NAALADL2: variants seen among roughly 807,000 people sequenced by gnomAD.
NAALADL2 encodes the protein N-acetylated alpha-linked acidic dipeptidase like 2.
NAALADL2 carries 76 observed loss-of-function variants against 87.2 expected under a neutral mutation model. That is an observed-to-expected ratio of 0.87 (90% CI 0.72 to 1.05). NAALADL2 has a LOEUF of 1.05. Among genes scored for constraint, NAALADL2 ranks in the 50% least tolerant of loss-of-function variants. The pLI is 0.00. For missense variants in NAALADL2, 1,089 were observed against 945.8 expected (o/e 1.15, Z -1.99); for synonymous variants, 354 against 331.0 (o/e 1.07, Z -0.75).
At chr3:175,109,290 A>G (rs1723778328) in intron 2 of NAALADL2, among the ~76,000 whole-genome samples, 2 of 151,848 alleles carry the variant, frequency 1.3e-5, no homozygotes, top group African/African-American at 4.8e-5. Context: ...CTGATAGCCT[A>G]TCATCGCAAG....
At chr3:175,323,861 C>CA (rs11338011) in intron 4 of NAALADL2, among the ~76,000 whole-genome samples, 3 of 149,792 alleles carry the variant, frequency 2.0e-5, no homozygotes, top group Non-Finnish European at 4.4e-5. Flanking sequence ...ACTAAAAATA[C>CA]AAAAAAATTA....
chr3:174,995,074 C>T (rs1747252760), intron 1 of NAALADL2, among the ~76,000 whole-genome samples: 1 of 151,136 alleles, frequency 6.6e-6, no homozygotes, highest in African/African-American at 2.4e-5. Flanking sequence ...TTTATTCTGG[C>T]CATTTAGAGA....
intron 11 of NAALADL2, among the ~76,000 whole-genome samples, chr3:175,662,197 G>C (rs1032061404): frequency 6.6e-6 from 1 of 151,568 alleles, no homozygotes; most frequent in African/African-American, 2.4e-5. Flanking sequence ...TCCTTGCAGC[G>C]ATCTTTTATT....
intron 1 of NAALADL2, among the ~76,000 whole-genome samples, chr3:175,001,151 G>C (rs564259940): frequency 4.6e-5 from 7 of 152,180 alleles, no homozygotes; most frequent in Non-Finnish European, 4.4e-5. Flanking sequence ...GTAGCCCCCA[G>C]TTCCTTGATT....
At chr3:174,476,581 A>T (rs1289029163) in intron 1 of NAALADL2, among the ~76,000 whole-genome samples, 1 of 152,006 alleles carries the variant, frequency 6.6e-6, no homozygotes, top group East Asian at 1.9e-4. Flanking sequence ...GTATATGTAA[A>T]TACTCAGAAA....
At chr3:174,550,068 TAC>T (rs1419073461) in intron 1 of NAALADL2, among the ~76,000 whole-genome samples, 2 of 152,188 alleles carry the variant, frequency 1.3e-5, no homozygotes, top group African/African-American at 4.8e-5. Flanking sequence ...GCCTTTGTTT[TAC>T]AAATGTAATG....
chr3:175,746,118 T>A (rs1373013437), intron 12 of NAALADL2, among the ~76,000 whole-genome samples: 1 of 152,082 alleles, frequency 6.6e-6, no homozygotes, highest in Non-Finnish European at 1.5e-5. Flanking sequence ...CAGCGTTTCC[T>A]CCTGTTCTTT....
upstream of NAALADL2, among the ~76,000 whole-genome samples, chr3:174,855,960 G>A (rs951279581): frequency 8.9e-6 from 1 of 111,938 alleles, no homozygotes; most frequent in Non-Finnish European, 1.7e-5. Flanking sequence ...ATGAATATAT[G>A]TGTATGTGTG....
intron 2 of NAALADL2, among the ~76,000 whole-genome samples, chr3:175,165,911 A>G (rs1005993505): frequency 6.6e-6 from 1 of 151,708 alleles, no homozygotes; most frequent in Admixed American, 6.6e-5. Context: ...TTGTTTGCTG[A>G]TATCTTTCTG....
At chr3:175,652,047 G>T (rs1730831005) in intron 11 of NAALADL2, among the ~76,000 whole-genome samples, 1 of 152,160 alleles carries the variant, frequency 6.6e-6, no homozygotes, top group African/African-American at 2.4e-5. Context: ...AGGAGATACT[G>T]TACATCAAAT....
At chr3:175,324,035 AAAAAAAAAG>A (rs976413997) in intron 4 of NAALADL2, 131 bp from the exon 5 acceptor site, 276 of 649,044 alleles carry the variant, frequency 4.3e-4, no homozygotes, top group Non-Finnish European at 5.4e-4. Context: ...AAACAAAAAA[AAAAAAAAAG>A]AAAAAGAAAA....
chr3:175,237,911 G>A (rs1028917457), intron 3 of NAALADL2, among the ~76,000 whole-genome samples: 4 of 152,058 alleles, frequency 2.6e-5, no homozygotes, highest in Admixed American at 6.6e-5. Flanking sequence ...TATGTCTAAG[G>A]ATTTGACTTT....
chr3:175,058,803 C>T (rs936656389), intron 1 of NAALADL2, among the ~76,000 whole-genome samples: 17 of 152,192 alleles, frequency 1.1e-4, no homozygotes, highest in African/African-American at 4.1e-4. Context: ...AGAGTGTCAC[C>T]TTTCAGCAGT....
At chr3:174,682,270 C>T (rs1330936467) in intron 2 of NAALADL2, among the ~76,000 whole-genome samples, 1 of 152,172 alleles carries the variant, frequency 6.6e-6, no homozygotes, top group Non-Finnish European at 1.5e-5. Flanking sequence ...CCTGAGGTTT[C>T]CAGATACTGG....
chr3:175,752,833 TAAATG>T (rs1210586920), intron 12 of NAALADL2, among the ~76,000 whole-genome samples: 1 of 152,184 alleles, frequency 6.6e-6, no homozygotes, highest in Non-Finnish European at 1.5e-5. Context: ...TTTTCTTTCT[TAAATG>T]GAAGACTCTC....
intron 13 of NAALADL2, among the ~76,000 whole-genome samples, chr3:175,770,192 G>T (rs1749301599): frequency 6.6e-6 from 1 of 152,106 alleles, no homozygotes; most frequent in Admixed American, 6.6e-5. Context: ...TCATGTTGGT[G>T]GGAATGCAAA....
At chr3:175,003,473 G>T (rs560646251) in intron 1 of NAALADL2, among the ~76,000 whole-genome samples, 2 of 152,208 alleles carry the variant, frequency 1.3e-5, no homozygotes, top group East Asian at 3.8e-4. Context: ...CATGAAGAAT[G>T]TTATGTATGA....
At chr3:175,057,751 A>G (rs980119743) in intron 1 of NAALADL2, among the ~76,000 whole-genome samples, 6 of 152,230 alleles carry the variant, frequency 3.9e-5, no homozygotes, top group Non-Finnish European at 5.9e-5. Context: ...AGGAATCCAG[A>G]TCGTTGGCTG....
intron 2 of NAALADL2, among the ~76,000 whole-genome samples, chr3:174,588,987 G>GAGGC (rs1455925255): frequency 2.0e-5 from 3 of 152,130 alleles, no homozygotes; most frequent in African/African-American, 7.2e-5. Flanking sequence ...GGAGTCTACA[G>GAGGC]AGGCAGGCAG....
Sources: allele counts gnomAD v4.1 joint callset (sites outside exome capture counted in the v4.1 genomes callset), GRCh38; gene constraint gnomAD v4.1.1; transcripts MANE v1.5; gene names NCBI Gene and HGNC (gene_info 2026-07-23, HGNC 2026-07-21).